DNAH17: variants seen among roughly 807,000 people sequenced by gnomAD.
DNAH17 encodes axonemal beta dynein heavy chain 17.
In DNAH17, 376 loss-of-function variants were observed where a neutral mutation model predicts 485.6. The observed-to-expected ratio is 0.77, with a 90% CI of 0.71 to 0.84. The LOEUF (loss-of-function observed/expected upper bound fraction) is 0.84, where lower values mean the gene tolerates loss of function less well. DNAH17 is among the 40% of genes least tolerant of loss of function. The pLI is 0.00. For missense variants in DNAH17, 6,370 were observed against 5,839.3 expected (o/e 1.09, Z -2.96); for synonymous variants, 3,031 against 2,405.9 (o/e 1.26, Z -7.60).
intron 56 of DNAH17, among the ~76,000 whole-genome samples, chr17:78,464,520 C>G (rs1428585316): frequency 6.6e-6 from 1 of 152,254 alleles, no homozygotes; most frequent in African/African-American, 2.4e-5. Flanking sequence ...TTTGGCCCCC[C>G]AAAGTGCTGG....
In DNAH17 at chr17:78,427,028, T is replaced by C. The variant is rs751982638; in HGVS notation, c.12669A>G (p.Glu4223=). 3 of 1,606,434 alleles carry C rather than the reference T, an allele frequency of 1.9e-6. No individual in the cohort carries two copies. In the Admixed American group the frequency reaches 5.1e-5, roughly 27 times the overall value. The change falls in exon 78 of 81, where the codon GAA becomes GAG. Residue 4223 remains glutamate (E), a synonymous_variant. Coordinates refer to ENST00000389840, the MANE Select transcript of DNAH17 (RefSeq NM_173628.4). ...AGGCGACTACCACGTAGGGGGTCTT[T>C]TCCGCTGCCTTTGCCATGATCTCAG... ...NMAEIMAKAA[E]KTPYVVVAFQ...
In DNAH17 at chr17:78,527,108, C is replaced by T. The variant is rs543462624; in HGVS notation, c.3508-112G>A. 1,227 of 860,870 alleles carry T rather than the reference C, an allele frequency of 1.4e-3. 3 individuals carry two copies. Among genetic ancestry groups the T allele is most frequent in the Non-Finnish European group, 2.0e-3 (1,145 of 572,386 alleles). 53.3% of individuals were successfully genotyped at this position (860,870 alleles called of 1,614,324 possible). A position where few individuals can be genotyped will look rare whatever the true frequency, so the allele number is the denominator to read the frequency against. ...GCTGCAAAAACAGTGCAGGGGCCGGCGCGGTGGCTCACACCTGTAATCTCA... is the reference window on the plus strand; with the variant it reads ...GCTGCAAAAACAGTGCAGGGGCCGGTGCGGTGGCTCACACCTGTAATCTCA... On this transcript the variant is annotated intron_variant, in intron 22 of 80. Coordinates refer to ENST00000389840, the MANE Select transcript of DNAH17 (RefSeq NM_173628.4).
At chr17:78,464,847 C>T (rs1454722430) in intron 56 of DNAH17, among the ~76,000 whole-genome samples, 2 of 152,250 alleles carry the variant, frequency 1.3e-5, no homozygotes, top group African/African-American at 4.8e-5. Context: ...AACAAAAAAA[C>T]CCAACAGCCC....
At chr17:78,527,818 G>A (rs1027796423) in intron 22 of DNAH17, among the ~76,000 whole-genome samples, 15 of 152,066 alleles carry the variant, frequency 9.9e-5, no homozygotes, top group Non-Finnish European at 2.1e-4. Flanking sequence ...TCACTCTACT[G>A]CTGAGGCTGG....
chr17:78,566,555 T>A, intron 11 of DNAH17, 59 bp downstream of exon 11: 1 of 1,257,206 alleles, frequency 8.0e-7, no homozygotes, highest in South Asian at 1.3e-5. Flanking sequence ...GTTCTCGACA[T>A]GAATCCACCA....
chr17:78,537,530 G>C, intron 18 of DNAH17, 49 bp from the exon 19 acceptor site: 1 of 1,590,476 alleles, frequency 6.3e-7, no homozygotes, highest in Non-Finnish European at 8.6e-7. Flanking sequence ...GTCCTCCATC[G>C]GATGATTCTC....
At position 78,553,283 on chromosome 17, in the gene DNAH17, G is replaced by GGTTTTTTTTTTTTTTTTTTTTTTTTT. The variant is rs2091944708; in HGVS notation, c.2179-479_2179-478insAAAAAAAAAAAAAAAAAAAAAAAAAC. The stretch of plus-strand genomic sequence containing the variant: ...AAATTACCCAGTCCCAGGTTTTTGT[G>GGTTTTTTTTTTTTTTTTTTTTTTTTT]TTTTTTTTTTTTTTTTTTTTTTTTT... On this transcript the variant is annotated intron_variant, in intron 14 of 80. Transcript: ENST00000389840. 7.8e-5 allele frequency among the ~76,000 whole-genome samples: 4 copies of GGTTTTTTTTTTTTTTTTTTTTTTTTT among 51,018 alleles called. 2 individuals are homozygous for GGTTTTTTTTTTTTTTTTTTTTTTTTT. The highest frequency in any genetic ancestry group is 5.3e-4 in the Admixed American group (2 of 3,740). The allele number at this position is 51,018 out of a possible 152,430, so 33.5% of individuals were successfully genotyped here.
chr17:78,537,186 A>AG lies in DNAH17; in HGVS notation c.2859+112_2859+113insC, dbSNP rs1327064219. The stretch of plus-strand genomic sequence containing the variant: ...GAGTGAGATTCCGTCTCAAAAAAAA[A>AG]AAAAGAAAAAAAGAAAAGGTAAACG... On this transcript the variant is annotated intron_variant, in intron 19 of 80. Coordinates refer to ENST00000389840, the MANE Select transcript of DNAH17 (RefSeq NM_173628.4). 25 of 1,206,890 alleles carry AG rather than the reference A, an allele frequency of 2.1e-5. 1 individual carries two copies. Among genetic ancestry groups the AG allele is most frequent in the East Asian group, 1.4e-4 (5 of 36,864 alleles). The allele number at this position is 1,206,890 out of a possible 1,614,324, so 74.8% of individuals were successfully genotyped here. A position where few individuals can be genotyped will look rare whatever the true frequency, so the allele number is the denominator to read the frequency against.
At position 78,543,692 on chromosome 17, in the gene DNAH17, T is replaced by G; in HGVS notation, c.2532+165A>C. 3 of 1,033,408 alleles carry G rather than the reference T, an allele frequency of 2.9e-6. No homozygotes were observed. In the South Asian group the frequency reaches 3.9e-5, roughly 14 times the overall value. The allele number at this position is 1,033,408 out of a possible 1,614,324, so 64.0% of individuals were successfully genotyped here. A position where few individuals can be genotyped will look rare whatever the true frequency, so the allele number is the denominator to read the frequency against. ...CGCCCGACTCAGCCTCCCAGAGTGC[T>G]GGGATTACAGGTGAGAGCCACTGCA... is the stretch of plus-strand genomic sequence containing the variant. On this transcript the variant is annotated intron_variant, in intron 17 of 80. Transcript: ENST00000389840.
At position 78,442,200 on chromosome 17, in the gene DNAH17, C is replaced by T. The variant is rs150414241; in HGVS notation, c.11529-1001G>A. 3.6e-3 allele frequency among the ~76,000 whole-genome samples: 541 copies of T among 152,352 alleles called. 5 individuals are homozygous for T. Among genetic ancestry groups the T allele is most frequent in the African/African-American group, 0.012 (502 of 41,588 alleles). Reference sequence around the variant, plus strand: ...CTGGGCAGGTGAACGCCCGAGTGCTCTGAGAGTCTGGGTCGACTTTCAGAA... The same window carrying T: ...CTGGGCAGGTGAACGCCCGAGTGCTTTGAGAGTCTGGGTCGACTTTCAGAA... On this transcript the variant is annotated intron_variant, in intron 71 of 80. Transcript: ENST00000389840.
chr17:78,487,469 C>T (rs1320665321), intron 44 of DNAH17, among the ~76,000 whole-genome samples: 1 of 152,218 alleles, frequency 6.6e-6, no homozygotes, highest in African/African-American at 2.4e-5. Flanking sequence ...AAGCAGGAAG[C>T]TCCTGTTAAC....
In DNAH17 at chr17:78,426,522, C is replaced by T. The variant is rs1386067468; in HGVS notation, c.12850G>A (p.Ala4284Thr). The change falls in exon 79 of 81, where the codon GCC becomes ACC. Residue 4284 changes from alanine (A) to threonine (T), a missense_variant. By Grantham distance (58) the Ala-to-Thr change is moderately conservative. Transcript: ENST00000389840. ...FYDTVPDTWV[A>T]RAYPSMMGLA... The stretch of plus-strand genomic sequence containing the variant: ...CCCATCATGGAGGGGTAGGCCCGGG[C>T]CACCCACGTATCAGGCACGGTGTCA... The T allele has an allele frequency of 1.2e-6, 2 of 1,613,580 alleles. No homozygotes were observed. The highest frequency in any genetic ancestry group is 1.1e-5 in the South Asian group (1 of 91,006).
At position 78,486,616 on chromosome 17, in the gene DNAH17, C is replaced by T. The variant is rs963539220; in HGVS notation, c.6819-110G>A. ...TCCACCCAATTCTGCTGGGGCTGCC[C>T]TCAGGGTCACCATGCCTGCATGGCA... On this transcript the variant is annotated intron_variant, in intron 44 of 80. Transcript: ENST00000389840. The T allele has an allele frequency of 3.0e-6, 4 of 1,343,924 alleles. No individual in the cohort carries two copies. In the African/African-American group the frequency reaches 4.4e-5, roughly 15 times the overall value. The allele number at this position is 1,343,924 out of a possible 1,614,324, so 83.2% of individuals were successfully genotyped here.
At chr17:78,474,515 T>A (rs150700261) in intron 54 of DNAH17, among the ~76,000 whole-genome samples, 2 of 152,340 alleles carry the variant, frequency 1.3e-5, no homozygotes, top group East Asian at 3.9e-4. Flanking sequence ...GGCATGCAGT[T>A]AGACACCCAG....
chr17:78,574,309 G>A (rs966659384), intron 2 of DNAH17, among the ~76,000 whole-genome samples: 1 of 152,044 alleles, frequency 6.6e-6, no homozygotes, highest in Non-Finnish European at 1.5e-5. Flanking sequence ...TGGGCAACAG[G>A]CTATTTTTTG....
Position 78,449,519 on chromosome 17 carries a change from C to T in DNAH17, c.11106G>A (p.Arg3702=), listed in dbSNP as rs766076537. ...TGATCTCGTCCGTCAGGTTGATCAC[C>T]CGCTGCTTCACCTCGTTGGCAGGGG... The part of the protein sequence containing the change: ...RTTPANEVKQ[R]VINLTDEITY... Residue 3702 remains arginine (R), a synonymous_variant, in exon 69 of 81, where the codon CGG becomes CGA. Transcript: ENST00000389840. 1.9e-6 allele frequency: 3 copies of T among 1,597,012 alleles called. No individual in the cohort carries two copies. Among genetic ancestry groups the T allele is most frequent in the Non-Finnish European group, 2.6e-6 (3 of 1,171,960 alleles).
At chr17:78,532,014 T>G (rs2091253772) in intron 20 of DNAH17, among the ~76,000 whole-genome samples, 1 of 152,166 alleles carries the variant, frequency 6.6e-6, no homozygotes, top group Non-Finnish European at 1.5e-5. Flanking sequence ...AGCCCACACC[T>G]CCGACCATCC....
Position 78,532,508 on chromosome 17 carries a change from GCGGTGTCT to G in DNAH17, c.3080_3087del (p.Lys1027ThrfsTer18). ...TGCTCCTGGAACTGAGCCAGGGTGG[GCGGTGTCT>G]TGGGGATGGTGTCATCTGTCCAGGT... On this transcript the variant is annotated frameshift_variant, in exon 20 of 81. Coordinates refer to ENST00000389840, the MANE Select transcript of DNAH17 (RefSeq NM_173628.4). LOFTEE classifies it high-confidence loss of function. 1 of 1,611,420 alleles carries G rather than the reference GCGGTGTCT, an allele frequency of 6.2e-7. No homozygotes were observed. Among genetic ancestry groups the G allele is most frequent in the Non-Finnish European group, 8.5e-7 (1 of 1,179,240 alleles).
intron 74 of DNAH17, among the ~76,000 whole-genome samples, chr17:78,435,161 G>A (rs1355694211): frequency 1.3e-5 from 2 of 152,152 alleles, no homozygotes; most frequent in Non-Finnish European, 1.5e-5. Context: ...TCAGCTCCCT[G>A]GGGAGGGCGC....
Sources: gnomAD v4.1 joint callset for allele counts (sites outside exome capture counted in the v4.1 genomes callset) on GRCh38, gnomAD v4.1.1 for gene constraint, MANE v1.5 for transcripts, NCBI Gene and HGNC (gene_info 2026-07-23, HGNC 2026-07-21) for gene names.